The following MAP3K10 variants were observed in gnomAD, a reference collection of about 807,000 sequenced individuals.
MAP3K10 encodes the protein MKN28 derived nonreceptor_type serine/threonine kinase.
MAP3K10 carries 22 observed loss-of-function variants against 75.0 expected under a neutral mutation model. That is an observed-to-expected ratio of 0.29 (90% confidence interval 0.21 to 0.42). MAP3K10 has a LOEUF of 0.42. MAP3K10 is among the 10% of genes least tolerant of loss of function. The probability of loss-of-function intolerance (pLI) is 1.00; values close to 1 mark genes in which losing one functional copy is unlikely to be tolerated. For missense variants in MAP3K10, 1,165 were observed against 1,379.8 expected, an observed-to-expected ratio of 0.84 and a Z score of 2.47; for synonymous variants, 599 against 612.9, an observed-to-expected ratio of 0.98 and a Z score of 0.34.
Position 40,198,573 on chromosome 19 carries a change from C to T in MAP3K10, c.863+18C>T, listed in dbSNP as rs368914803. ...GTCTGGAGGTGCTGAAAGGCGCGGC[C>T]GGGATGGCCTCTGGGGAGTAAGGGA... On this transcript the variant is annotated intron_variant, in intron 2 of 9. Transcript: ENST00000253055. The surrounding 1 kb of genome is among the most constrained non-coding windows in gnomAD (Gnocchi z 4.3). 31 of 1,597,072 alleles carry T rather than the reference C, an allele frequency of 1.9e-5. No individual in the cohort carries two copies. Among genetic ancestry groups the T allele is most frequent in the Admixed American group, 1.0e-4 (6 of 58,956 alleles).
At position 40,214,010 on chromosome 19, in the gene MAP3K10, A is replaced by G. The variant is rs1196569172; in HGVS notation, c.2331A>G (p.Pro777=). The G allele has an allele frequency of 6.8e-6, 5 of 732,754 alleles. No individual in the cohort carries two copies. In the Admixed American group the frequency reaches 1.3e-4, roughly 19 times the overall value. 45.4% of individuals were successfully genotyped at this position (732,754 alleles called of 1,614,324 possible). ...DEAAPAAPSP[P]PSPPAPTPTP... ...CCGCACCGGCCGCGCCCTCCCCACC[A>G]CCCTCCCCGCCCGCGCCCACACCCA... Residue 777 remains proline (P), a synonymous_variant, in exon 9 of 10, where the codon CCA becomes CCG. Coordinates refer to ENST00000253055, the MANE Select transcript of MAP3K10 (RefSeq NM_002446.4).
intron 5 of MAP3K10, among the ~76,000 whole-genome samples, chr19:40,207,975 A>G (rs1289768282): frequency 6.6e-6 from 1 of 151,860 alleles, no homozygotes; most frequent in Non-Finnish European, 1.5e-5. Flanking sequence ...CAGCGCTCCC[A>G]CTTTGGCCTC....
At position 40,205,563 on chromosome 19, in the gene MAP3K10, G is replaced by T; in HGVS notation, c.1188+267G>T. 1 of 548,026 alleles carries T rather than the reference G, an allele frequency of 1.8e-6. No individual in the cohort carries two copies. Among genetic ancestry groups the T allele is most frequent in the South Asian group, 2.7e-5 (1 of 36,892 alleles). 33.9% of individuals were successfully genotyped at this position (548,026 alleles called of 1,614,324 possible). A position where few individuals can be genotyped will look rare whatever the true frequency, so the allele number is the denominator to read the frequency against. ...AGCAGAAACGAAGAGAGGGCAAGAGGAGAGAAGGACGGGGATACAAGATTC... is the reference window on the plus strand; with the variant it reads ...AGCAGAAACGAAGAGAGGGCAAGAGTAGAGAAGGACGGGGATACAAGATTC... On this transcript the variant is annotated intron_variant, in intron 4 of 9. Coordinates refer to ENST00000253055, the MANE Select transcript of MAP3K10 (RefSeq NM_002446.4). The surrounding 1 kb of genome is among the most constrained non-coding windows in gnomAD (Gnocchi z 4.3).
Position 40,215,030 on chromosome 19 carries a change from G to A in MAP3K10, c.2603G>A (p.Arg868His), listed in dbSNP as rs201319794. 153 of 1,162,654 alleles carry A rather than the reference G, an allele frequency of 1.3e-4. 2 individuals are homozygous for A. In the Admixed American group the frequency reaches 2.7e-3, roughly 20 times the overall value. 72.0% of individuals were successfully genotyped at this position (1,162,654 alleles called of 1,614,324 possible). A position where few individuals can be genotyped will look rare whatever the true frequency, so the allele number is the denominator to read the frequency against. Residue 868 changes from arginine to histidine, a missense_variant, in exon 10 of 10, where the codon CGC becomes CAC. This residue lies in a region of MAP3K10 where 590 missense variants were observed against 586.6 expected (regional missense o/e 1.01). Coordinates refer to ENST00000253055, the MANE Select transcript of MAP3K10 (RefSeq NM_002446.4). ...GACCCCCAGGCCCTGTTCCCAGCCC[G>A]CCGCCGGCCCCCTGAGTTCCCAGGC... ...LPDPQALFPA[R>H]RRPPEFPGRP...
intron 1 of MAP3K10, among the ~76,000 whole-genome samples, chr19:40,194,173 C>G (rs909388241): frequency 6.6e-6 from 1 of 152,050 alleles, no homozygotes; most frequent in Non-Finnish European, 1.5e-5. Flanking sequence ...CCAGCCTGAC[C>G]AATATGGTGA....
In MAP3K10 at chr19:40,205,113, C is replaced by T. The variant is rs925350125; in HGVS notation, c.1013-8C>T. The T allele has an allele frequency of 1.2e-6, 2 of 1,612,250 alleles. No homozygotes were observed. The highest frequency in any genetic ancestry group is 2.7e-5 in the African/African-American group (2 of 74,882). ...GCCCCACCACTGTCCTTCCTCCTCC[C>T]ACCCCAGAATGCTGGGACCCAGACC... On this transcript the variant is annotated splice_polypyrimidine_tract_variant and splice_region_variant and intron_variant, in intron 3 of 9. Coordinates refer to ENST00000253055, the MANE Select transcript of MAP3K10 (RefSeq NM_002446.4). This position sits in a 1 kb window ranked among gnomAD's most constrained non-coding sequence, Gnocchi z 4.3.
rs1972947348 is a variant in MAP3K10 at position 40,198,217 on chromosome 19, C to T, written c.683-158C>T. Among the ~76,000 whole-genome samples the T allele has an allele frequency of 6.6e-6, 1 of 152,144 alleles. No homozygotes were observed. Among genetic ancestry groups the T allele is most frequent in the South Asian group, 2.1e-4 (1 of 4,822 alleles). On this transcript the variant is annotated intron_variant, in intron 1 of 9. Coordinates refer to ENST00000253055, the MANE Select transcript of MAP3K10 (RefSeq NM_002446.4). The surrounding 1 kb of genome is among the most constrained non-coding windows in gnomAD (Gnocchi z 4.3). ...CAGGGATTAGACCTGGGCGGAGGGG[C>T]TCATGGATGTTCCAGGCCAGGAAAG...
At position 40,212,606 on chromosome 19, in the gene MAP3K10, A is replaced by C. The variant is rs1486055984; in HGVS notation, c.1553-199A>C. On this transcript the variant is annotated intron_variant, in intron 6 of 9. Coordinates refer to ENST00000253055, the MANE Select transcript of MAP3K10 (RefSeq NM_002446.4). This position sits in a 1 kb window ranked among gnomAD's most constrained non-coding sequence, Gnocchi z 4.2. ...GGAACCGCTCATGGCCTTCAGTGCC[A>C]GGCGGAGGAGCTGGAACCTTGTCCT... Among the ~76,000 whole-genome samples, 1 of 152,226 alleles carries C rather than the reference A, an allele frequency of 6.6e-6. No homozygotes were observed. Among genetic ancestry groups the C allele is most frequent in the Non-Finnish European group, 1.5e-5 (1 of 68,036 alleles).
chr19:40,206,182 C>T (rs758971847), intron 5 of MAP3K10, 25 bp downstream of exon 5: 2 of 1,567,800 alleles, frequency 1.3e-6, no homozygotes, highest in Admixed American at 3.7e-5. Context: ...CCCCAGAGCG[C>T]CCCCCAAGAG....
At chr19:40,203,691 G>A (rs1267324473) in intron 2 of MAP3K10, among the ~76,000 whole-genome samples, 1 of 152,226 alleles carries the variant, frequency 6.6e-6, no homozygotes, top group Non-Finnish European at 1.5e-5. Flanking sequence ...GAGGATTACC[G>A]AGTGCCTAGC....
chr19:40,206,226 TCTTC>T, intron 5 of MAP3K10, 69 bp downstream of exon 5: 2 of 1,500,550 alleles, frequency 1.3e-6, no homozygotes, highest in Non-Finnish European at 1.8e-6. Flanking sequence ...AGGATTTATC[TCTTC>T]CTTTTCTTTT....
chr19:40,206,999 T>G (rs912093871), intron 5 of MAP3K10, among the ~76,000 whole-genome samples: 8 of 152,074 alleles, frequency 5.3e-5, no homozygotes, highest in Admixed American at 5.2e-4. Flanking sequence ...CTTGGGAGGC[T>G]GAGGCACAAG....
chr19:40,207,717 A>C (rs1319599358), intron 5 of MAP3K10, among the ~76,000 whole-genome samples: 1 of 152,180 alleles, frequency 6.6e-6, no homozygotes, highest in South Asian at 2.1e-4. Flanking sequence ...CCTGGGCGAC[A>C]AGAGCAAAAC....
chr19:40,214,888 T>G, intron 9 of MAP3K10, 82 bp from the exon 10 acceptor site: 1 of 687,568 alleles, frequency 1.5e-6, no homozygotes, highest in Non-Finnish European at 2.6e-6. Context: ...CCAGAACTTG[T>G]GCTTTTCATG....
intron 5 of MAP3K10, 120 bp from the exon 6 acceptor site, chr19:40,208,983 A>T: frequency 1.4e-6 from 1 of 733,770 alleles, no homozygotes; most frequent in Non-Finnish European, 2.4e-6. Context: ...CCACTGCATT[A>T]AGGAATGAAA....
At chr19:40,202,267 C>G (rs1973040044) in intron 2 of MAP3K10, among the ~76,000 whole-genome samples, 1 of 151,994 alleles carries the variant, frequency 6.6e-6, no homozygotes, top group African/African-American at 2.4e-5. Flanking sequence ...GTCTCAATCT[C>G]CTGACCTTGT....
In MAP3K10 at chr19:40,204,889, T is replaced by G; in HGVS notation, c.1013-232T>G. ...TGGCCCTGGGATTCCACCTTGATCC[T>G]GATTCCACTACCAGCCCCTCCTCGG... On this transcript the variant is annotated intron_variant, in intron 3 of 9. Coordinates refer to ENST00000253055, the MANE Select transcript of MAP3K10 (RefSeq NM_002446.4). The surrounding 1 kb of genome is among the most constrained non-coding windows in gnomAD (Gnocchi z 4.3). 1 of 618,184 alleles carries G rather than the reference T, an allele frequency of 1.6e-6. No homozygotes were observed. 38.3% of individuals were successfully genotyped at this position (618,184 alleles called of 1,614,324 possible). A position where few individuals can be genotyped will look rare whatever the true frequency, so the allele number is the denominator to read the frequency against.
Position 40,192,335 on chromosome 19 carries a change from G to A in MAP3K10, c.304G>A (p.Glu102Lys), listed in dbSNP as rs1461631455. Residue 102 changes from glutamate (E) to lysine (K), a missense_variant, in exon 1 of 10, where the codon GAG becomes AAG. Coordinates refer to ENST00000253055, the MANE Select transcript of MAP3K10 (RefSeq NM_002446.4). This position sits in a 1 kb window ranked among gnomAD's most constrained non-coding sequence, Gnocchi z 7.1. ...CCCCTTCCACGAGCTGCAGCTAGAG[G>A]AGATCATCGGTGTGGGGGGCTTTGG... ...EIPFHELQLE[E>K]IIGVGGFGKV... 6 of 1,612,662 alleles carry A rather than the reference G, an allele frequency of 3.7e-6. No individual in the cohort carries two copies. Among genetic ancestry groups the A allele is most frequent in the African/African-American group, 1.3e-5 (1 of 74,942 alleles).
chr19:40,204,634 G>T lies in MAP3K10; in HGVS notation c.1012+1G>T, dbSNP rs762585439. 1 of 1,610,780 alleles carries T rather than the reference G, an allele frequency of 6.2e-7. No homozygotes were observed. Among genetic ancestry groups the T allele is most frequent in the Non-Finnish European group, 8.5e-7 (1 of 1,178,216 alleles). On this transcript the variant is annotated splice_donor_variant, in intron 3 of 9. Transcript: ENST00000253055. LOFTEE classifies it high-confidence loss of function. This position sits in a 1 kb window ranked among gnomAD's most constrained non-coding sequence, Gnocchi z 4.3. ...GAGCCCTTTGCCCGCCTCCTGGAGGGTGAGCCGGGGCCCCGTGACGAGGGT... is the reference window on the plus strand; with the variant it reads ...GAGCCCTTTGCCCGCCTCCTGGAGGTTGAGCCGGGGCCCCGTGACGAGGGT...
Sources: gnomAD v4.1 joint callset for allele counts (sites outside exome capture counted in the v4.1 genomes callset) on GRCh38, gnomAD v4.1.1 for gene constraint, gnomAD v4.1.1 regional missense constraint, Gnocchi (gnomAD v3.1) non-coding constraint, MANE v1.5 for transcripts, NCBI Gene and HGNC (gene_info 2026-07-23, HGNC 2026-07-21) for gene names.